CAMKMT: variants seen among roughly 807,000 people sequenced by gnomAD.
CAMKMT encodes the protein CaM KMT.
In CAMKMT, 53 loss-of-function variants were observed where a neutral mutation model predicts 48.0. That is an observed-to-expected ratio of 1.10 (90% CI 0.89 to 1.39). The LOEUF is 1.39. Among genes scored for constraint, CAMKMT ranks in the 40% most tolerant of loss-of-function variants. The probability of loss-of-function intolerance (pLI) is 0.00; values close to 1 mark genes in which losing one functional copy is unlikely to be tolerated. For missense variants in CAMKMT, 428 were observed against 402.7 expected, an observed-to-expected ratio of 1.06 and a Z score of -0.54; for synonymous variants, 165 against 152.3, an observed-to-expected ratio of 1.08 and a Z score of -0.61.
intron 3 of CAMKMT, among the ~76,000 whole-genome samples, chr2:44,635,084 A>G (rs1188017760): frequency 1.3e-5 from 2 of 152,202 alleles, no homozygotes; most frequent in African/African-American, 4.8e-5. Context: ...AAAACAATAA[A>G]TAAAAGAAGA....
intron 1 of CAMKMT, 118 bp from the exon 2 acceptor site, chr2:44,372,598 C>A: frequency 2.7e-6 from 2 of 742,850 alleles, no homozygotes; most frequent in Non-Finnish European, 4.3e-6. Context: ...TCTGAATTAT[C>A]TAATCTGTCA....
At chr2:44,575,770 T>C (rs1444829640) in intron 3 of CAMKMT, among the ~76,000 whole-genome samples, 1 of 151,352 alleles carries the variant, frequency 6.6e-6, no homozygotes, top group African/African-American at 2.4e-5. Context: ...GGTGGGAGGA[T>C]TGCTTGAGCT....
At chr2:44,421,748 A>G (rs984632041) in intron 3 of CAMKMT, among the ~76,000 whole-genome samples, 8 of 152,230 alleles carry the variant, frequency 5.3e-5, no homozygotes, top group Non-Finnish European at 1.0e-4. Flanking sequence ...TACACGAATC[A>G]ATTATGGTTT....
intron 3 of CAMKMT, among the ~76,000 whole-genome samples, chr2:44,425,675 G>C (rs1572844673): frequency 1.3e-5 from 2 of 151,776 alleles, no homozygotes; most frequent in East Asian, 3.9e-4. Context: ...GTATAAGGTA[G>C]AGAGTATTTC....
chr2:44,512,326 G>A (rs1670604977), intron 3 of CAMKMT, among the ~76,000 whole-genome samples: 1 of 152,180 alleles, frequency 6.6e-6, no homozygotes, highest in South Asian at 2.1e-4. Context: ...ATAAATCATA[G>A]GTTTGCTGTA....
At chr2:44,413,425 G>A (rs1471911720) in intron 3 of CAMKMT, among the ~76,000 whole-genome samples, 6 of 152,050 alleles carry the variant, frequency 3.9e-5, no homozygotes, top group African/African-American at 1.4e-4. Context: ...AGGCCAAGGC[G>A]GGTGGATCAT....
intron 3 of CAMKMT, among the ~76,000 whole-genome samples, chr2:44,593,924 T>C (rs1423159257): frequency 6.6e-6 from 1 of 152,018 alleles, no homozygotes; most frequent in South Asian, 2.1e-4. Context: ...CCACCACGCC[T>C]GGCTAATTTG....
intron 3 of CAMKMT, among the ~76,000 whole-genome samples, chr2:44,542,494 C>T (rs1297505130): frequency 1.2e-5 from 1 of 81,864 alleles, no homozygotes; most frequent in Non-Finnish European, 2.8e-5. Flanking sequence ...GACACATACA[C>T]ATACACACAC....
chr2:44,495,010 G>C (rs1176590201), intron 3 of CAMKMT, among the ~76,000 whole-genome samples: 2 of 152,208 alleles, frequency 1.3e-5, no homozygotes, highest in Admixed American at 1.3e-4. Flanking sequence ...ATGAACGTGA[G>C]ATGTAGAGTG....
chr2:44,370,813 T>G (rs561945936), intron 1 of CAMKMT, among the ~76,000 whole-genome samples: 1 of 152,276 alleles, frequency 6.6e-6, no homozygotes, highest in African/African-American at 2.4e-5. Context: ...ACTTTATAAT[T>G]TTCTTTGTTT....
intron 7 of CAMKMT, among the ~76,000 whole-genome samples, chr2:44,717,010 T>C (rs1678208227): frequency 6.6e-6 from 1 of 152,206 alleles, no homozygotes; most frequent in Non-Finnish European, 1.5e-5. Flanking sequence ...GTTTAACTTA[T>C]GGAGTGCAAT....
chr2:44,545,681 CTT>C (rs71393283), intron 3 of CAMKMT, among the ~76,000 whole-genome samples: 12 of 135,634 alleles, frequency 8.8e-5, no homozygotes, highest in Non-Finnish European at 1.1e-4. Flanking sequence ...TAGACTCGGT[CTT>C]TTTTTTTTTT....
intron 3 of CAMKMT, among the ~76,000 whole-genome samples, chr2:44,604,647 A>G (rs1671185887): frequency 6.6e-6 from 1 of 151,764 alleles, no homozygotes; most frequent in Non-Finnish European, 1.5e-5. Context: ...TGAGATTCTG[A>G]ACCATTAATA....
In CAMKMT at chr2:44,474,174, C is replaced by T. The variant is rs552032175; in HGVS notation, c.376+83869C>T. 9.2e-5 allele frequency among the ~76,000 whole-genome samples: 14 copies of T among 152,108 alleles called. No homozygotes were observed. In the East Asian group the frequency reaches 1.7e-3, roughly 19 times the overall value. ...ATTTAGTAAGCATTGGGCCGGGCGT[C>T]GTGGCTCACACCTGTAATCCCAGCA... is the stretch of plus-strand genomic sequence containing the variant. On this transcript the variant is annotated intron_variant, in intron 3 of 10. Transcript: ENST00000378494.
intron 2 of CAMKMT, among the ~76,000 whole-genome samples, chr2:44,382,988 A>G (rs904422282): frequency 3.3e-5 from 5 of 152,092 alleles, no homozygotes; most frequent in Admixed American, 6.5e-5. Context: ...GGAGCTAGAA[A>G]TCTGAGATCA....
At chr2:44,731,370 A>T (rs1679070447) in intron 7 of CAMKMT, among the ~76,000 whole-genome samples, 1 of 151,990 alleles carries the variant, frequency 6.6e-6, no homozygotes, top group Admixed American at 6.6e-5. Flanking sequence ...AACAGGACTC[A>T]CTCCCCTACA....
chr2:44,732,765 G>A (rs1031362435), intron 7 of CAMKMT, among the ~76,000 whole-genome samples: 3 of 152,064 alleles, frequency 2.0e-5, no homozygotes, highest in Non-Finnish European at 4.4e-5. Flanking sequence ...AAAAAATTGG[G>A]TTGCTTGTTT....
chr2:44,576,374 G>GAGAA (rs1669223403), intron 3 of CAMKMT, among the ~76,000 whole-genome samples: 1 of 151,750 alleles, frequency 6.6e-6, no homozygotes, highest in Non-Finnish European at 1.5e-5. Flanking sequence ...ACACAGGTGG[G>GAGAA]AGAAAGGAGA....
intron 3 of CAMKMT, among the ~76,000 whole-genome samples, chr2:44,607,567 A>G (rs1671354863): frequency 6.6e-6 from 1 of 152,208 alleles, no homozygotes; most frequent in African/African-American, 2.4e-5. Context: ...ATATTGAAAG[A>G]CTAGGAAATA....
Sources: gnomAD v4.1 joint callset for allele counts (sites outside exome capture counted in the v4.1 genomes callset) on GRCh38, gnomAD v4.1.1 for gene constraint, MANE v1.5 for transcripts, NCBI Gene and HGNC (gene_info 2026-07-23, HGNC 2026-07-21) for gene names.